BAIAP2: variants seen among roughly 807,000 people sequenced by gnomAD.
BAIAP2 encodes BAR/IMD domain-containing adapter protein 2.
In BAIAP2, 18 loss-of-function variants were observed where a neutral mutation model predicts 63.0. The ratio of observed to expected loss-of-function variants is 0.29; its 90% confidence interval spans 0.20 to 0.42. The LOEUF (loss-of-function observed/expected upper bound fraction) is 0.42, where lower values mean the gene tolerates loss of function less well. Among genes scored for constraint, BAIAP2 ranks in the 10% least tolerant of loss-of-function variants. The pLI is 1.00. For missense variants in BAIAP2, 610 were observed against 734.3 expected, an observed-to-expected ratio of 0.83 and a Z score of 1.96; for synonymous variants, 386 against 307.6, an observed-to-expected ratio of 1.25 and a Z score of -2.67.
chr17:81,059,060 G>A (rs911331331), intron 3 of BAIAP2, among the ~76,000 whole-genome samples: 41 of 152,164 alleles, frequency 2.7e-4, no homozygotes, highest in Non-Finnish European at 4.9e-4. Flanking sequence ...CACTCACGAC[G>A]TCCTGCGCCG....
chr17:81,044,767 C>T (rs972543512), intron 1 of BAIAP2, among the ~76,000 whole-genome samples: 2 of 152,228 alleles, frequency 1.3e-5, no homozygotes, highest in Non-Finnish European at 2.9e-5. Flanking sequence ...GATCGCAGCC[C>T]GCAGTTTATG....
chr17:81,115,290 G>A (rs763943180), intron 13 of BAIAP2, among the ~76,000 whole-genome samples: 1 of 152,248 alleles, frequency 6.6e-6, no homozygotes, highest in Non-Finnish European at 1.5e-5. Flanking sequence ...AGCCTAACCT[G>A]CCTTCTCTGG....
At chr17:81,055,922 C>T (rs1335017018) in intron 2 of BAIAP2, among the ~76,000 whole-genome samples, 1 of 152,088 alleles carries the variant, frequency 6.6e-6, no homozygotes, top group African/African-American at 2.4e-5. Flanking sequence ...GACCCCCGTC[C>T]CCCAGCCAGG....
intron 1 of BAIAP2, among the ~76,000 whole-genome samples, chr17:81,035,546 CGGCCCGGTCAGTCCCCAGCCCCA>C (rs1430546723): frequency 6.7e-6 from 1 of 149,506 alleles, no homozygotes; most frequent in Non-Finnish European, 1.5e-5. Context: ...ATGCGCGCCG[CGGCCCGGTCAGTCCCCAGCCCCA>C]GGCCCGGGGA....
chr17:81,074,606 C>T (rs1194425368), intron 3 of BAIAP2, among the ~76,000 whole-genome samples: 4 of 143,762 alleles, frequency 2.8e-5, no homozygotes, highest in Non-Finnish European at 4.5e-5. Context: ...TGTGCGTGCA[C>T]GGATGCGTGA....
chr17:81,116,645 C>G lies in BAIAP2; in HGVS notation c.*806C>G. The G allele has an allele frequency of 2.6e-6, 1 of 387,580 alleles. No individual in the cohort carries two copies. Among genetic ancestry groups the G allele is most frequent in the Non-Finnish European group, 4.8e-6 (1 of 207,976 alleles). The allele number at this position is 387,580 out of a possible 1,614,324, so 24.0% of individuals were successfully genotyped here. On this transcript the variant is annotated 3_prime_UTR_variant, in exon 14 of 14. Coordinates refer to ENST00000428708, the MANE Select transcript of BAIAP2 (RefSeq NM_001144888.2). ...CCCCAGGACTCCTGGGTGGACCTCCCCCCCCCACCTCCGCTGACTCCTGCA... is the reference window on the plus strand; with the variant it reads ...CCCCAGGACTCCTGGGTGGACCTCCGCCCCCCACCTCCGCTGACTCCTGCA...
At chr17:81,108,590 C>T (rs980878538) in intron 13 of BAIAP2, 81 bp downstream of exon 13, 4 of 1,553,110 alleles carry the variant, frequency 2.6e-6, no homozygotes, top group African/African-American at 1.4e-5. Flanking sequence ...CTGCTAGGAC[C>T]TGGGGCCACC....
At chr17:81,108,983 G>T in intron 13 of BAIAP2, 2 of 1,549,238 alleles carry the variant, frequency 1.3e-6, no homozygotes, top group Non-Finnish European at 1.7e-6. Flanking sequence ...GCGGCACGCT[G>T]GTGTCCACAG....
rs775447003 is a variant in BAIAP2 at position 81,104,497 on chromosome 17, G to A, written c.1067-17G>A. 4 of 1,579,498 alleles carry A rather than the reference G, an allele frequency of 2.5e-6. No homozygotes were observed. Among genetic ancestry groups the A allele is most frequent in the African/African-American group, 2.7e-5 (2 of 74,468 alleles). On this transcript the variant is annotated splice_polypyrimidine_tract_variant and intron_variant, in intron 9 of 13. Transcript: ENST00000428708. ...CCAGCCAGGGGCAGTCCCCTTACCT[G>A]TCCCTTGTCCCAGCAGCCGAGAACA...
chr17:81,111,264 C>T (rs979868224), intron 13 of BAIAP2, among the ~76,000 whole-genome samples: 2 of 152,250 alleles, frequency 1.3e-5, no homozygotes, highest in Non-Finnish European at 2.9e-5. Flanking sequence ...CCCTGCTGGG[C>T]GCTTCAATTA....
At chr17:81,079,869 A>G (rs1338656609) in intron 3 of BAIAP2, among the ~76,000 whole-genome samples, 1 of 152,080 alleles carries the variant, frequency 6.6e-6, no homozygotes, top group African/African-American at 2.4e-5. Context: ...GCTGCTTAGG[A>G]AGCCTGGCAC....
intron 1 of BAIAP2, among the ~76,000 whole-genome samples, chr17:81,040,549 C>T (rs112378838): frequency 3.3e-5 from 5 of 152,380 alleles, no homozygotes; most frequent in African/African-American, 4.8e-5. Flanking sequence ...GTCCTGCCCA[C>T]GGATTCCTCC....
chr17:81,105,944 A>G lies in BAIAP2; in HGVS notation c.1269-134A>G, dbSNP rs2145971118. 5.6e-6 allele frequency: 4 copies of G among 720,348 alleles called. No homozygotes were observed. The East Asian group carries it at 8.4e-5, about 15-fold the overall frequency. The allele number at this position is 720,348 out of a possible 1,614,324, so 44.6% of individuals were successfully genotyped here. On this transcript the variant is annotated intron_variant, in intron 10 of 13. Transcript: ENST00000428708. ...GCTGCGGTCTTTGTCTCCCTGGAGC[A>G]CTGTCTCTGTTGCTCCAGAGACAGC...
At position 81,097,972 on chromosome 17, in the gene BAIAP2, C is replaced by T. The variant is rs371816094; in HGVS notation, c.490-1956C>T. The T allele has an allele frequency of 3.3e-3, 1,791 of 539,670 alleles. 17 individuals are homozygous for T. In the South Asian group the frequency reaches 0.036, roughly 11 times the overall value. The allele number at this position is 539,670 out of a possible 1,614,324, so 33.4% of individuals were successfully genotyped here. A position where few individuals can be genotyped will look rare whatever the true frequency, so the allele number is the denominator to read the frequency against. ...GGTCCCAGTCGAGCCCTCCCACTGT[C>T]GGGCTGGGGTTCTGGAATCGGGAAC... On this transcript the variant is annotated intron_variant, in intron 6 of 13. Coordinates refer to ENST00000428708, the MANE Select transcript of BAIAP2 (RefSeq NM_001144888.2).
intron 6 of BAIAP2, among the ~76,000 whole-genome samples, chr17:81,091,945 A>T (rs2056843441): frequency 1.3e-5 from 2 of 152,144 alleles, no homozygotes; most frequent in African/African-American, 2.4e-5. Context: ...ATGCAGGTGG[A>T]GGCTGTTCAG....
At chr17:81,039,111 T>C (rs2046729927) in intron 1 of BAIAP2, among the ~76,000 whole-genome samples, 1 of 152,220 alleles carries the variant, frequency 6.6e-6, no homozygotes, top group African/African-American at 2.4e-5. Context: ...TGGCCTGCAT[T>C]TTCTCTACAT....
At chr17:81,050,358 C>T (rs2048475090) in intron 1 of BAIAP2, among the ~76,000 whole-genome samples, 1 of 107,820 alleles carries the variant, frequency 9.3e-6, no homozygotes, top group Non-Finnish European at 2.0e-5. Flanking sequence ...TGGCTGTTCC[C>T]TGCCCGCTGT....
chr17:81,114,622 A>G (rs1216068735), intron 13 of BAIAP2, among the ~76,000 whole-genome samples: 1 of 152,196 alleles, frequency 6.6e-6, no homozygotes, highest in African/African-American at 2.4e-5. Context: ...AGTCTCTTCC[A>G]CGTACTTTAT....
chr17:81,112,988 G>A (rs554693648), intron 13 of BAIAP2, among the ~76,000 whole-genome samples: 66 of 152,352 alleles, frequency 4.3e-4, no homozygotes, highest in African/African-American at 1.5e-3. Flanking sequence ...CCCAGAGGTG[G>A]AGGTTGCAGT....
Sources: gnomAD v4.1 joint callset for allele counts (sites outside exome capture counted in the v4.1 genomes callset) on GRCh38, gnomAD v4.1.1 for gene constraint, MANE v1.5 for transcripts, NCBI Gene and HGNC (gene_info 2026-07-23, HGNC 2026-07-21) for gene names.